Variants in TAFA4 observed in about 807,000 individuals in gnomAD.
TAFA4 encodes chemokine-like protein TAFA-4.
In TAFA4, 20 loss-of-function variants were observed where a neutral mutation model predicts 21.1. The ratio of observed to expected loss-of-function variants is 0.95; its 90% CI spans 0.67 to 1.38. TAFA4 has a LOEUF of 1.38. TAFA4 is among the 40% of genes most tolerant of loss of function. TAFA4 has a pLI of 0.00. For synonymous variants in TAFA4, 71 were observed against 67.4 expected (o/e 1.05, Z -0.26); for missense variants, 211 against 180.9 (o/e 1.17, Z -0.95).
intron 3 of TAFA4, among the ~76,000 whole-genome samples, chr3:68,869,504 T>G (rs1161771646): frequency 6.6e-6 from 1 of 152,014 alleles, no homozygotes; most frequent in Non-Finnish European, 1.5e-5. Flanking sequence ...AAAAAGATCA[T>G]TCACCATGAT....
At chr3:68,767,555 T>C (rs9858963) in intron 3 of TAFA4, among the ~76,000 whole-genome samples, 104,520 of 151,792 alleles carry the variant, frequency 0.69, 36,494 homozygotes, top group East Asian at 0.99. Flanking sequence ...GCAATGTATA[T>C]ATATTGATTA....
chr3:68,800,806 T>C (rs188914960), intron 3 of TAFA4, among the ~76,000 whole-genome samples: 1 of 152,266 alleles, frequency 6.6e-6, no homozygotes, highest in Admixed American at 6.5e-5. Context: ...ACAAATTTAA[T>C]AAGAACCGAA....
At chr3:68,892,473 G>T (rs2089739923) in intron 1 of TAFA4, among the ~76,000 whole-genome samples, 1 of 152,056 alleles carries the variant, frequency 6.6e-6, no homozygotes, top group Non-Finnish European at 1.5e-5. Flanking sequence ...TCAGTTAATG[G>T]GTATGACGTA....
chr3:68,885,126 A>C, intron 2 of TAFA4, 49 bp downstream of exon 2: 1 of 1,593,556 alleles, frequency 6.3e-7, no homozygotes, highest in Non-Finnish European at 8.6e-7. Flanking sequence ...CTAAATTCTC[A>C]ATACTTTGTA....
chr3:68,801,775 C>T (rs1435540559), intron 3 of TAFA4, among the ~76,000 whole-genome samples: 2 of 152,156 alleles, frequency 1.3e-5, no homozygotes, highest in Non-Finnish European at 2.9e-5. Context: ...AGATTATTCT[C>T]AGCTCATGTG....
intron 3 of TAFA4, among the ~76,000 whole-genome samples, chr3:68,855,322 G>A (rs540634450): frequency 6.6e-6 from 1 of 152,232 alleles, no homozygotes. Flanking sequence ...TACATAATGG[G>A]AAGACAATTT....
chr3:68,755,114 G>A (rs188751459), intron 3 of TAFA4, among the ~76,000 whole-genome samples: 154 of 152,180 alleles, frequency 1.0e-3, no homozygotes, highest in Non-Finnish European at 1.6e-3. Context: ...CGACATCTCC[G>A]ATTCCAATCT....
intron 5 of TAFA4, among the ~76,000 whole-genome samples, chr3:68,738,708 T>C (rs1005414082): frequency 5.3e-5 from 8 of 152,230 alleles, no homozygotes; most frequent in African/African-American, 1.9e-4. Flanking sequence ...AAATCTCCTT[T>C]AAAGCAATAG....
intron 4 of TAFA4, among the ~76,000 whole-genome samples, chr3:68,746,508 TG>T (rs2106742041): frequency 6.6e-6 from 1 of 152,342 alleles, no homozygotes; most frequent in East Asian, 1.9e-4. Flanking sequence ...TTTAACACTT[TG>T]TGTCTTCAGT....
chr3:68,741,709 G>C (rs1702355961), intron 4 of TAFA4, among the ~76,000 whole-genome samples: 1 of 151,968 alleles, frequency 6.6e-6, no homozygotes. Flanking sequence ...GGAGAATGGT[G>C]TGAACCCGGG....
At chr3:68,738,151 AATG>A (rs1370673680) in intron 5 of TAFA4, among the ~76,000 whole-genome samples, 4 of 152,200 alleles carry the variant, frequency 2.6e-5, no homozygotes, top group African/African-American at 9.7e-5. Flanking sequence ...TCCCCGAAAA[AATG>A]ATGATTAGCC....
intron 2 of TAFA4, among the ~76,000 whole-genome samples, chr3:68,881,724 T>C (rs1338003043): frequency 6.6e-6 from 1 of 152,212 alleles, no homozygotes; most frequent in East Asian, 1.9e-4. Flanking sequence ...AAGAAACCCC[T>C]GTTTAATATA....
chr3:68,793,819 C>T (rs1484447570), intron 3 of TAFA4, among the ~76,000 whole-genome samples: 1 of 152,150 alleles, frequency 6.6e-6, no homozygotes, highest in African/African-American at 2.4e-5. Flanking sequence ...AGATAAAGTG[C>T]AATTCAGAAA....
At chr3:68,845,929 T>C (rs1193017763) in intron 3 of TAFA4, among the ~76,000 whole-genome samples, 1 of 152,206 alleles carries the variant, frequency 6.6e-6, no homozygotes, top group African/African-American at 2.4e-5. Flanking sequence ...CCGACCTTTC[T>C]CTCTGGATGC....
chr3:68,849,075 G>GATTAT (rs1559542390), intron 3 of TAFA4, among the ~76,000 whole-genome samples: 1 of 152,096 alleles, frequency 6.6e-6, no homozygotes, highest in African/African-American at 2.4e-5. Flanking sequence ...AAAATACAAT[G>GATTAT]ATAAATATAG....
intron 3 of TAFA4, among the ~76,000 whole-genome samples, chr3:68,781,709 C>T (rs1330164347): frequency 6.6e-6 from 1 of 152,116 alleles, no homozygotes; most frequent in African/African-American, 2.4e-5. Context: ...ATAAATTCTA[C>T]ACAAACTCTT....
chr3:68,931,752 C>T (rs1416121611), intron 1 of TAFA4, among the ~76,000 whole-genome samples: 2 of 135,516 alleles, frequency 1.5e-5, no homozygotes, highest in Non-Finnish European at 3.1e-5. Flanking sequence ...AAGATCCTAG[C>T]AACCAGAGCT....
At chr3:68,887,141 C>A (rs756135901) in intron 1 of TAFA4, among the ~76,000 whole-genome samples, 1 of 152,180 alleles carries the variant, frequency 6.6e-6, no homozygotes, top group Non-Finnish European at 1.5e-5. Context: ...AGTGATGGAA[C>A]AGGCATAAAA....
intron 3 of TAFA4, among the ~76,000 whole-genome samples, chr3:68,793,188 G>A (rs1380629630): frequency 6.6e-6 from 1 of 152,164 alleles, no homozygotes; most frequent in Non-Finnish European, 1.5e-5. Context: ...CTTTGAGTGA[G>A]ATTGTCTAAT....
Sources: allele counts gnomAD v4.1 joint callset (sites outside exome capture counted in the v4.1 genomes callset), GRCh38; gene constraint gnomAD v4.1.1; transcripts MANE v1.5; gene names NCBI Gene and HGNC (gene_info 2026-07-23, HGNC 2026-07-21).